PCM1: variants seen among roughly 807,000 people sequenced by gnomAD.
The protein encoded by PCM1 is pericentriolar material 1.
A neutral mutation model predicts 241.9 loss-of-function variants in PCM1; 157 were observed. The ratio of observed to expected loss-of-function variants is 0.65; its 90% CI spans 0.57 to 0.74. The LOEUF is 0.74. PCM1 is among the 30% of genes least tolerant of loss of function. The pLI, the probability that PCM1 is intolerant of heterozygous loss-of-function variation, is 0.00. For missense variants in PCM1, 3,478 were observed against 2,360.1 expected (o/e 1.47, Z -9.81); for synonymous variants, 1,085 against 784.9 (o/e 1.38, Z -6.39).
intron 7 of PCM1, among the ~76,000 whole-genome samples, chr8:17,949,571 C>T (rs1744302730): frequency 6.7e-6 from 1 of 149,966 alleles, no homozygotes; most frequent in African/African-American, 2.5e-5. Flanking sequence ...GATCTTGGCT[C>T]ACTGCAGCCT....
rs1586752250 is a variant in PCM1, at chr8:17,956,488, G to A, written c.1473-116G>A. 1.4e-5 allele frequency: 9 copies of A among 647,594 alleles called. No homozygotes were observed. In the East Asian group the frequency reaches 2.5e-4, roughly 18 times the overall value. 40.1% of individuals were successfully genotyped at this position (647,594 alleles called of 1,614,324 possible). A position where few individuals can be genotyped will look rare whatever the true frequency, so the allele number is the denominator to read the frequency against. On this transcript the variant is annotated intron_variant, in intron 10 of 38. Transcript: ENST00000325083. ...ATACCCCCTGGAGAGTTCACTAGGT[G>A]GATATTCCATTAGGTCTAAATTTTG...
In PCM1 at chr8:17,959,765, A is replaced by C. The variant is rs1247361183; in HGVS notation, c.2041-249A>C. On this transcript the variant is annotated intron_variant, in intron 13 of 38. Coordinates refer to ENST00000325083, the MANE Select transcript of PCM1 (RefSeq NM_006197.4). ...ATATACCGTAGCTTGTTTAACCATT[A>C]CTGGAATTGGCCTTTTCCAAATTTC... is the stretch of plus-strand genomic sequence containing the variant. Among the ~76,000 whole-genome samples, 3 of 152,142 alleles carry C rather than the reference A, an allele frequency of 2.0e-5. No individual in the cohort carries two copies. In the East Asian group the frequency reaches 5.8e-4, roughly 29 times the overall value.
chr8:17,966,641 C>G (rs529196358), intron 20 of PCM1, among the ~76,000 whole-genome samples, 168 bp downstream of exon 20: 1 of 152,246 alleles, frequency 6.6e-6, no homozygotes, highest in South Asian at 2.1e-4. Flanking sequence ...CTTTTAATAC[C>G]ATGGATTTCT....
intron 21 of PCM1, among the ~76,000 whole-genome samples, chr8:17,968,694 T>C (rs1309525416): frequency 6.6e-6 from 1 of 151,114 alleles, no homozygotes; most frequent in African/African-American, 2.4e-5. Context: ...TATTACAGTG[T>C]TATGCCCAGC....
In PCM1 at chr8:18,011,655, TAATC is replaced by T; in HGVS notation, c.5351-9_5351-6del. ...CTGAAATTTACTAAAAATTGTGTAT[TAATC>T]AACTTAGATTTGTCTAAAGCTGAAA... is the stretch of plus-strand genomic sequence containing the variant. On this transcript the variant is annotated splice_region_variant and splice_polypyrimidine_tract_variant and intron_variant, in intron 33 of 38. Coordinates refer to ENST00000325083, the MANE Select transcript of PCM1 (RefSeq NM_006197.4). 6.3e-7 allele frequency: 1 copy of T among 1,590,984 alleles called. No individual in the cohort carries two copies. The highest frequency in any genetic ancestry group is 8.6e-7 in the Non-Finnish European group (1 of 1,168,784).
intron 27 of PCM1, among the ~76,000 whole-genome samples, chr8:17,990,462 GTTGT>G (rs1449926505): frequency 6.7e-6 from 1 of 148,366 alleles, no homozygotes; most frequent in Non-Finnish European, 1.5e-5. Context: ...AATGGTTTTG[GTTGT>G]TTTTTTTTGT....
Position 17,929,760 on chromosome 8 carries a change from C to G in PCM1, c.-23+4980C>G, listed in dbSNP as rs140289176. Among the ~76,000 whole-genome samples, 873 of 152,232 alleles carry G rather than the reference C, an allele frequency of 5.7e-3. 9 individuals carry two copies. The highest frequency in any genetic ancestry group is 0.02 in the African/African-American group (815 of 41,534). On this transcript the variant is annotated intron_variant, in intron 2 of 38. Transcript: ENST00000325083. ...TGCATGCCTGAAACTGTGGGTAGTACCAAACTCTATGTGTATGTTATTTCC... is the reference window on the plus strand; with the variant it reads ...TGCATGCCTGAAACTGTGGGTAGTAGCAAACTCTATGTGTATGTTATTTCC...
chr8:17,992,878 A>G (rs13260259), intron 28 of PCM1, among the ~76,000 whole-genome samples: 28,256 of 149,154 alleles, frequency 0.19, 2,905 homozygotes, highest in East Asian at 0.39. Context: ...CAGCCTCCCA[A>G]TGTGCTGGGA....
intron 3 of PCM1, 77 bp from the exon 4 acceptor site, chr8:17,937,057 A>G (rs2060638805): frequency 8.4e-7 from 1 of 1,194,106 alleles, no homozygotes; most frequent in Non-Finnish European, 1.2e-6. Context: ...AAAACTGACC[A>G]AAACTTTTTA....
chr8:17,962,394 T>G (rs2072755466), intron 16 of PCM1, among the ~76,000 whole-genome samples: 3 of 152,150 alleles, frequency 2.0e-5, no homozygotes, highest in Admixed American at 1.3e-4. Context: ...ATTGAAAAGT[T>G]TTAAATAATT....
At chr8:17,999,280 G>T (rs2088286075) in intron 29 of PCM1, among the ~76,000 whole-genome samples, 1 of 152,082 alleles carries the variant, frequency 6.6e-6, no homozygotes, top group Non-Finnish European at 1.5e-5. Flanking sequence ...GAACATCTCT[G>T]AGTCTCACCC....
intron 1 of PCM1, among the ~76,000 whole-genome samples, chr8:17,924,007 G>GTTTTTT (rs5889752): frequency 6.7e-6 from 1 of 149,158 alleles, no homozygotes; most frequent in Admixed American, 6.6e-5. Context: ...GTTTTGTTTT[G>GTTTTTT]TTTTTTTGAG....
In PCM1 at chr8:18,009,719, G is replaced by C. The variant is rs202102580; in HGVS notation, c.5135G>C (p.Gly1712Ala). 6 of 1,491,776 alleles carry C rather than the reference G, an allele frequency of 4.0e-6. No homozygotes were observed. The East Asian group carries it at 1.2e-4, about 29-fold the overall frequency. The allele number at this position is 1,491,776 out of a possible 1,614,324, so 92.4% of individuals were successfully genotyped here. The part of the protein sequence containing the change: ...QRCKRKIEAT[G>A]VIQSCAKEAK... ...TGCAAAAGGAAAATAGAAGCAACTG[G>C]AGTGATACAATCTTGTGCCAAAGAG... The change falls in exon 31 of 39, where the codon GGA (glycine) becomes GCA (alanine). Residue 1712 changes from glycine to alanine, a missense_variant. Gly to Ala is a moderately conservative substitution (Grantham distance 60). Coordinates refer to ENST00000325083, the MANE Select transcript of PCM1 (RefSeq NM_006197.4).
chr8:17,995,380 C>T (rs111722593), intron 29 of PCM1, among the ~76,000 whole-genome samples: 28 of 150,996 alleles, frequency 1.9e-4, no homozygotes, highest in Admixed American at 3.3e-4. Context: ...TCTGTTCTAT[C>T]GGTCTGTGTT....
intron 13 of PCM1, among the ~76,000 whole-genome samples, chr8:17,959,606 G>A (rs1002111233): frequency 3.9e-5 from 4 of 103,606 alleles, no homozygotes; most frequent in Non-Finnish European, 8.4e-5. Flanking sequence ...ATGTATTTCC[G>A]TATGTATTTA....
Position 17,957,381 on chromosome 8 carries a change from T to C in PCM1, c.1764T>C (p.Ser588=). ...VNSNCEINNR[S]AANIRALNMP... ...CTAATTGTGAAATTAACAACAGATC[T>C]GCTGCCAACATAAGGGCTCTAAACA... is the stretch of plus-strand genomic sequence containing the variant. Residue 588 remains serine (S), a synonymous_variant, in exon 12 of 39, where the codon TCT becomes TCC. Coordinates refer to ENST00000325083, the MANE Select transcript of PCM1 (RefSeq NM_006197.4). 2 of 1,612,792 alleles carry C rather than the reference T, an allele frequency of 1.2e-6. No individual in the cohort carries two copies. Among genetic ancestry groups the C allele is most frequent in the Admixed American group, 1.7e-5 (1 of 60,024 alleles).
chr8:17,984,746 T>C lies in PCM1; in HGVS notation c.4109-701T>C, dbSNP rs2082048616. Among the ~76,000 whole-genome samples, 4 of 151,976 alleles carry C rather than the reference T, an allele frequency of 2.6e-5. No homozygotes were observed. In the South Asian group the frequency reaches 8.3e-4, roughly 31 times the overall value. On this transcript the variant is annotated intron_variant, in intron 24 of 38. Transcript: ENST00000325083. ...CTTTGAGTGTAATAATTTTGTGTTATCAACAAGTAAATTTAGCCGAATTGT... is the reference window on the plus strand; with the variant it reads ...CTTTGAGTGTAATAATTTTGTGTTACCAACAAGTAAATTTAGCCGAATTGT...
chr8:17,936,761 G>A (rs996636900), intron 3 of PCM1, among the ~76,000 whole-genome samples: 4 of 152,048 alleles, frequency 2.6e-5, no homozygotes, highest in African/African-American at 4.8e-5. Flanking sequence ...TTTTTGATAC[G>A]TACTGACTTT....
rs2094402518 is a variant in PCM1, at chr8:18,029,296, C to CAACT, written c.*1635_*1638dup. On this transcript the variant is annotated 3_prime_UTR_variant, in exon 39 of 39. Coordinates refer to ENST00000325083, the MANE Select transcript of PCM1 (RefSeq NM_006197.4). ...TAAATTATGGAAGACAATATATCTT[C>CAACT]AACTTTAATAAAACCTATTCAGAAA... 9.9e-6 allele frequency: 2 copies of CAACT among 202,406 alleles called. No homozygotes were observed. Among genetic ancestry groups the CAACT allele is most frequent in the Non-Finnish European group, 2.0e-5 (2 of 98,580 alleles). The allele number at this position is 202,406 out of a possible 1,614,324, so 12.5% of individuals were successfully genotyped here. A position where few individuals can be genotyped will look rare whatever the true frequency, so the allele number is the denominator to read the frequency against.
Sources: allele counts gnomAD v4.1 joint callset (sites outside exome capture counted in the v4.1 genomes callset), GRCh38; gene constraint gnomAD v4.1.1; transcripts MANE v1.5; gene names NCBI Gene and HGNC (gene_info 2026-07-23, HGNC 2026-07-21).